The following EYS variants were observed in gnomAD, a reference collection of about 807,000 sequenced individuals.
The protein encoded by EYS is protein eyes shut homolog.
In EYS, 250 loss-of-function variants were observed where a neutral mutation model predicts 282.1. The observed-to-expected ratio is 0.89, with a 90% CI of 0.80 to 0.98. The LOEUF is 0.98. Ranked by LOEUF, EYS falls within the 50% of genes least tolerant of loss-of-function variation. The probability of loss-of-function intolerance (pLI) is 0.00; values close to 1 mark genes in which losing one functional copy is unlikely to be tolerated. For missense variants in EYS, 4,016 were observed against 3,709.0 expected (o/e 1.08, Z -2.15); for synonymous variants, 1,355 against 1,282.9 (o/e 1.06, Z -1.20).
intron 13 of EYS, among the ~76,000 whole-genome samples, chr6:65,001,177 A>G (rs1217725367): frequency 8.4e-6 from 1 of 119,372 alleles, no homozygotes; most frequent in Non-Finnish European, 2.0e-5. Context: ...GCCTTTTCAC[A>G]AGGGCAGAAG....
intron 19 of EYS, among the ~76,000 whole-genome samples, chr6:64,868,471 T>C (rs1372405565): frequency 1.3e-5 from 2 of 151,634 alleles, no homozygotes; most frequent in South Asian, 2.1e-4. Context: ...TGTAATCTTA[T>C]ATAACTCCAT....
intron 22 of EYS, among the ~76,000 whole-genome samples, chr6:64,753,773 A>T (rs934294120): frequency 6.6e-6 from 1 of 152,038 alleles, no homozygotes; most frequent in African/African-American, 2.4e-5. Context: ...ATGTCTACAG[A>T]ACATGCTACC....
intron 2 of EYS, among the ~76,000 whole-genome samples, chr6:65,545,240 GTTTT>G (rs66509470): frequency 9.4e-5 from 14 of 149,628 alleles, no homozygotes; most frequent in South Asian, 6.3e-4. Flanking sequence ...TTTTTATTCT[GTTTT>G]TTTTTTTTCT....
intron 31 of EYS, among the ~76,000 whole-genome samples, chr6:64,227,341 G>A (rs1766281350): frequency 6.6e-6 from 1 of 151,768 alleles, no homozygotes; most frequent in Non-Finnish European, 1.5e-5. Context: ...ATTTTTTAAA[G>A]AAAACTCTCT....
At chr6:63,765,249 C>T (rs1399458963) in intron 40 of EYS, among the ~76,000 whole-genome samples, 3 of 151,906 alleles carry the variant, frequency 2.0e-5, no homozygotes, top group Middle Eastern at 3.2e-3. Context: ...CATTTTTGAC[C>T]TCATGGACTT....
chr6:64,573,638 A>C (rs1023535811), intron 26 of EYS, among the ~76,000 whole-genome samples: 2 of 152,148 alleles, frequency 1.3e-5, no homozygotes, highest in Non-Finnish European at 2.9e-5. Flanking sequence ...ACTTCTCAAA[A>C]GAAGACATTT....
At chr6:65,026,746 T>C (rs1772421393) in intron 13 of EYS, among the ~76,000 whole-genome samples, 3 of 151,906 alleles carry the variant, frequency 2.0e-5, no homozygotes. Context: ...TGAAACCCTG[T>C]CTCTACTAAA....
intron 32 of EYS, among the ~76,000 whole-genome samples, chr6:64,077,362 TCTG>T (rs1181595118): frequency 2.0e-5 from 3 of 152,014 alleles, no homozygotes; most frequent in Non-Finnish European, 4.4e-5. Context: ...TGTTATATAT[TCTG>T]CTGGAAATCA....
chr6:64,434,056 G>A (rs1445340888), intron 28 of EYS, among the ~76,000 whole-genome samples: 2 of 152,034 alleles, frequency 1.3e-5, no homozygotes, highest in Non-Finnish European at 2.9e-5. Context: ...GGTCTTCAGA[G>A]AAGTAATAAG....
At chr6:64,329,922 A>C (rs1259821970) in intron 29 of EYS, among the ~76,000 whole-genome samples, 2 of 152,102 alleles carry the variant, frequency 1.3e-5, no homozygotes, top group Non-Finnish European at 2.9e-5. Context: ...ATTCTTCTGC[A>C]TCCAACTAGC....
intron 26 of EYS, among the ~76,000 whole-genome samples, chr6:64,541,543 A>ATT (rs201150493): frequency 6.7e-6 from 1 of 148,624 alleles, no homozygotes; most frequent in African/African-American, 2.5e-5. Flanking sequence ...TCTCTGTTTC[A>ATT]TTTTTTTTTC....
At chr6:64,731,991 A>T (rs1043684461) in intron 22 of EYS, among the ~76,000 whole-genome samples, 2 of 152,194 alleles carry the variant, frequency 1.3e-5, no homozygotes, top group African/African-American at 4.8e-5. Context: ...ATAAAAAAGG[A>T]TGAGTTCATG....
At chr6:64,364,744 T>C (rs1772132072) in intron 29 of EYS, among the ~76,000 whole-genome samples, 1 of 151,768 alleles carries the variant, frequency 6.6e-6, no homozygotes. Flanking sequence ...CATTGGAAAC[T>C]TTAAAAGGTG....
intron 12 of EYS, among the ~76,000 whole-genome samples, chr6:65,161,317 A>T (rs997885420): frequency 6.6e-6 from 1 of 151,042 alleles, no homozygotes; most frequent in Non-Finnish European, 1.5e-5. Flanking sequence ...CTCAAATGTC[A>T]TCCATTTCAG....
In EYS at chr6:65,081,090, T is replaced by C. The variant is rs116044020; in HGVS notation, c.2024-23363A>G. Among the ~76,000 whole-genome samples the C allele has an allele frequency of 9.4e-3, 1,429 of 152,250 alleles. 24 individuals are homozygous for C. The highest frequency in any genetic ancestry group is 0.032 in the African/African-American group (1,347 of 41,562). On this transcript the variant is annotated intron_variant, in intron 12 of 42. Coordinates refer to ENST00000503581, the MANE Select transcript of EYS (RefSeq NM_001142800.2). ...TTTATTCTAATAGCAAGGCATAATG[T>C]GGTAATTTCAAATTTGCTTTATCAT... is the stretch of plus-strand genomic sequence containing the variant.
intron 29 of EYS, among the ~76,000 whole-genome samples, chr6:64,334,558 A>C (rs1168573074): frequency 6.6e-6 from 1 of 152,092 alleles, no homozygotes; most frequent in East Asian, 1.9e-4. Flanking sequence ...AGGATGCTGT[A>C]CTCTTATTTA....
chr6:63,903,142 G>A (rs1773696117), intron 35 of EYS, among the ~76,000 whole-genome samples: 1 of 152,116 alleles, frequency 6.6e-6, no homozygotes, highest in African/African-American at 2.4e-5. Flanking sequence ...ACAGGTGTAG[G>A]TGCAGTGGAG....
At chr6:64,215,633 A>G (rs1050649878) in intron 31 of EYS, among the ~76,000 whole-genome samples, 6 of 152,126 alleles carry the variant, frequency 3.9e-5, no homozygotes, top group African/African-American at 1.4e-4. Context: ...CTAAATGATT[A>G]CTTACCTATT....
intron 5 of EYS, among the ~76,000 whole-genome samples, chr6:65,435,028 A>G (rs1302261052): frequency 6.6e-6 from 1 of 151,922 alleles, no homozygotes; most frequent in Non-Finnish European, 1.5e-5. Flanking sequence ...TAAATAATTA[A>G]TAGATGAGTA....
Sources: allele counts gnomAD v4.1 joint callset (sites outside exome capture counted in the v4.1 genomes callset), GRCh38; gene constraint gnomAD v4.1.1; transcripts MANE v1.5; gene names NCBI Gene and HGNC (gene_info 2026-07-23, HGNC 2026-07-21).